Variants in EYS observed in about 807,000 individuals in gnomAD.
EYS encodes the protein protein eyes shut homolog.
Under a neutral mutation model 282.1 loss-of-function variants are expected in EYS, and 250 were observed. The observed-to-expected ratio is 0.89, with a 90% CI of 0.80 to 0.98. The LOEUF (loss-of-function observed/expected upper bound fraction) is 0.98, where lower values mean the gene tolerates loss of function less well. EYS is among the 50% of genes least tolerant of loss of function. The pLI is 0.00. For missense variants in EYS, 4,016 were observed against 3,709.0 expected (o/e 1.08, Z -2.15); for synonymous variants, 1,355 against 1,282.9 (o/e 1.06, Z -1.20).
At chr6:65,325,632 G>C (rs1162865811) in intron 11 of EYS, among the ~76,000 whole-genome samples, 5 of 152,070 alleles carry the variant, frequency 3.3e-5, no homozygotes, top group Non-Finnish European at 7.4e-5. Flanking sequence ...TCAGGGACAG[G>C]GGACTGTGAG....
rs565239921 is a variant in EYS at position 64,799,761 on chromosome 6, C to T, written c.3443+13617G>A. ...AAATGTTACAGGAGCCAAAAGAAAA[C>T]ATTTATAGTTTTAAAATTTTTCACA... is the stretch of plus-strand genomic sequence containing the variant. On this transcript the variant is annotated intron_variant, in intron 22 of 42. Transcript: ENST00000503581. Among the ~76,000 whole-genome samples, 10 of 151,446 alleles carry T rather than the reference C, an allele frequency of 6.6e-5. 2 individuals carry two copies. The highest frequency in any genetic ancestry group is 2.4e-4 in the African/African-American group (10 of 41,428).
chr6:65,184,214 T>TA (rs1270894430), intron 12 of EYS, among the ~76,000 whole-genome samples: 1 of 151,912 alleles, frequency 6.6e-6, no homozygotes, highest in Non-Finnish European at 1.5e-5. Context: ...AGCAGAAATG[T>TA]ATAGGCTCTT....
At chr6:64,314,296 C>A (rs543047223) in intron 29 of EYS, among the ~76,000 whole-genome samples, 1 of 144,562 alleles carries the variant, frequency 6.9e-6, no homozygotes, top group African/African-American at 2.6e-5. Flanking sequence ...AAGGGCATTA[C>A]ATAATGGTAA....
rs1470121668 is a variant in EYS, at chr6:65,438,109, T to C, written c.863-32742A>G. On this transcript the variant is annotated intron_variant, in intron 5 of 42. Coordinates refer to ENST00000503581, the MANE Select transcript of EYS (RefSeq NM_001142800.2). ...CCTACGAGTGAGAACATGTAGTGTT[T>C]GGTTTTTTGTCTTTGCAATAGTTTG... Among the ~76,000 whole-genome samples the C allele has an allele frequency of 2.0e-5, 3 of 151,100 alleles. No individual in the cohort carries two copies. In the East Asian group the frequency reaches 5.9e-4, roughly 30 times the overall value.
chr6:65,407,758 T>TGC (rs1210370736), intron 5 of EYS, among the ~76,000 whole-genome samples: 1 of 150,260 alleles, frequency 6.7e-6, no homozygotes, highest in African/African-American at 2.5e-5. Flanking sequence ...TGTGTGTGTG[T>TGC]GTGTGTGTGT....
At chr6:64,351,764 C>A (rs932915519) in intron 29 of EYS, among the ~76,000 whole-genome samples, 2 of 151,390 alleles carry the variant, frequency 1.3e-5, no homozygotes, top group African/African-American at 4.8e-5. Flanking sequence ...TTCTGAAAAG[C>A]AGTCATTAAA....
At chr6:64,962,244 A>G (rs1769945718) in intron 14 of EYS, among the ~76,000 whole-genome samples, 1 of 152,054 alleles carries the variant, frequency 6.6e-6, no homozygotes, top group East Asian at 1.9e-4. Flanking sequence ...TCCAAAAACT[A>G]CACCACTAGT....
chr6:65,545,694 C>T (rs1331211), intron 2 of EYS, among the ~76,000 whole-genome samples: 1 of 151,896 alleles, frequency 6.6e-6, no homozygotes, highest in Non-Finnish European at 1.5e-5. Flanking sequence ...AAATAAGCTA[C>T]ATATTTATGG....
At chr6:64,037,322 T>G (rs949366425) in intron 33 of EYS, among the ~76,000 whole-genome samples, 1 of 152,198 alleles carries the variant, frequency 6.6e-6, no homozygotes, top group Non-Finnish European at 1.5e-5. Flanking sequence ...AATCTGGGCT[T>G]TGTATTCAAC....
At chr6:64,297,977 C>CAAAAAAAAAAAAA (rs34562408) in intron 30 of EYS, among the ~76,000 whole-genome samples, 3 of 96,438 alleles carry the variant, frequency 3.1e-5, no homozygotes, top group African/African-American at 3.8e-5. Flanking sequence ...GATTCTGTCT[C>CAAAAAAAAAAAAA]AAAAAAAAAA....
chr6:65,685,467 A>G (rs776586589), intron 1 of EYS, among the ~76,000 whole-genome samples: 10 of 152,046 alleles, frequency 6.6e-5, no homozygotes, highest in Non-Finnish European at 1.3e-4. Flanking sequence ...TTTAATTGAA[A>G]TTGATTGGAA....
At chr6:64,647,759 G>A (rs1049807450) in intron 22 of EYS, among the ~76,000 whole-genome samples, 1 of 151,948 alleles carries the variant, frequency 6.6e-6, no homozygotes, top group African/African-American at 2.4e-5. Flanking sequence ...CTTTACCAGA[G>A]GTTTTACTTC....
intron 35 of EYS, among the ~76,000 whole-genome samples, chr6:63,977,861 G>A (rs916585011): frequency 3.3e-5 from 5 of 152,014 alleles, no homozygotes; most frequent in African/African-American, 1.2e-4. Flanking sequence ...AAAAAGAAGA[G>A]GGATAGAAAG....
At chr6:64,640,954 G>A (rs1020819953) in intron 22 of EYS, among the ~76,000 whole-genome samples, 1 of 152,068 alleles carries the variant, frequency 6.6e-6, no homozygotes, top group Non-Finnish European at 1.5e-5. Flanking sequence ...ATTCATTAAC[G>A]ACATGACATT....
At chr6:64,193,181 GGAATT>G (rs956697609) in intron 31 of EYS, among the ~76,000 whole-genome samples, 2 of 152,084 alleles carry the variant, frequency 1.3e-5, no homozygotes, top group Non-Finnish European at 2.9e-5. Flanking sequence ...AATTTTGATT[GGAATT>G]GAATTGAAGC....
intron 14 of EYS, among the ~76,000 whole-genome samples, chr6:64,985,877 CT>C (rs530826310): frequency 1.8e-3 from 277 of 151,518 alleles, no homozygotes; most frequent in African/African-American, 6.3e-3. Flanking sequence ...GGCCTCAGCT[CT>C]TTAGATATAT....
At chr6:63,786,586 C>T (rs543262073) in intron 39 of EYS, among the ~76,000 whole-genome samples, 89 of 151,794 alleles carry the variant, frequency 5.9e-4, no homozygotes, top group Non-Finnish European at 1.1e-3. Flanking sequence ...CTAATGCATG[C>T]AGGGCTTAAA....
chr6:64,713,178 T>C (rs1299222663), intron 22 of EYS: 1 of 152,206 alleles, frequency 6.6e-6, no homozygotes, highest in Non-Finnish European at 1.5e-5. Flanking sequence ...ATCAAGGCAA[T>C]AAATATTCCT....
intron 31 of EYS, among the ~76,000 whole-genome samples, chr6:64,171,415 CT>C (rs1421220284): frequency 6.6e-6 from 1 of 151,960 alleles, no homozygotes; most frequent in Non-Finnish European, 1.5e-5. Context: ...ATTTTGCATT[CT>C]AAAAATGAAT....
Sources: gnomAD v4.1 joint callset for allele counts (sites outside exome capture counted in the v4.1 genomes callset) on GRCh38, gnomAD v4.1.1 for gene constraint, MANE v1.5 for transcripts, NCBI Gene and HGNC (gene_info 2026-07-23, HGNC 2026-07-21) for gene names.